The following ACER3 variants were observed in gnomAD, a reference collection of about 807,000 sequenced individuals.
ACER3 encodes the protein alkaline ceramidase 3.
Under a neutral mutation model 48.9 loss-of-function variants are expected in ACER3, and 16 were observed. The ratio of observed to expected loss-of-function variants is 0.33; its 90% confidence interval spans 0.22 to 0.50. The LOEUF (loss-of-function observed/expected upper bound fraction) is 0.50, where lower values mean the gene tolerates loss of function less well. ACER3 is among the 20% of genes least tolerant of loss of function. ACER3 has a pLI of 0.98. For missense variants in ACER3, 227 were observed against 326.0 expected, an observed-to-expected ratio of 0.70 and a Z score of 2.34; for synonymous variants, 109 against 107.8, an observed-to-expected ratio of 1.01 and a Z score of -0.07.
intron 1 of ACER3, among the ~76,000 whole-genome samples, chr11:76,887,180 G>A (rs1462672894): frequency 6.6e-6 from 1 of 152,104 alleles, no homozygotes; most frequent in Non-Finnish European, 1.5e-5. Flanking sequence ...AGGTCGCTTG[G>A]GAGGTTGAGG....
At chr11:76,953,989 C>T (rs1000657117) in intron 2 of ACER3, among the ~76,000 whole-genome samples, 1 of 149,960 alleles carries the variant, frequency 6.7e-6, no homozygotes. Context: ...CTCTTGTCGC[C>T]CAGGCTAGAG....
chr11:76,918,011 G>A lies in ACER3; in HGVS notation c.104-8546G>A, dbSNP rs193020146. 1.3e-3 allele frequency among the ~76,000 whole-genome samples: 199 copies of A among 152,022 alleles called. 1 individual carries two copies. Among genetic ancestry groups the A allele is most frequent in the Admixed American group, 5.2e-3 (79 of 15,270 alleles). The stretch of plus-strand genomic sequence containing the variant: ...ACCCATCTTGGATTCTCTCCCTCCC[G>A]CTAAGTGTATTGGTTTTTTTGCCTT... On this transcript the variant is annotated intron_variant, in intron 1 of 10. Transcript: ENST00000532485.
At chr11:76,927,496 C>T (rs1946862628) in intron 2 of ACER3, among the ~76,000 whole-genome samples, 1 of 152,120 alleles carries the variant, frequency 6.6e-6, no homozygotes, top group East Asian at 1.9e-4. Flanking sequence ...TTCTAGGGTA[C>T]ACGTGCACAA....
At chr11:76,917,539 C>T (rs1467566460) in intron 1 of ACER3, among the ~76,000 whole-genome samples, 1 of 151,170 alleles carries the variant, frequency 6.6e-6, no homozygotes, top group East Asian at 2.0e-4. Context: ...CATAAGAAGA[C>T]CTCGTCAGTA....
At chr11:76,861,178 G>A (rs931796736) in intron 1 of ACER3, 99 bp downstream of exon 1, 2 of 1,221,866 alleles carry the variant, frequency 1.6e-6, no homozygotes, top group African/African-American at 3.1e-5. Flanking sequence ...GCGAAGGGAG[G>A]TGCCAGGCCT....
At chr11:76,882,300 G>A (rs1406827367) in intron 1 of ACER3, among the ~76,000 whole-genome samples, 3 of 151,994 alleles carry the variant, frequency 2.0e-5, no homozygotes, top group Non-Finnish European at 4.4e-5. Flanking sequence ...CATTGTGCCC[G>A]GCCCAAAATC....
chr11:77,010,343 C>T (rs782067966), intron 7 of ACER3, among the ~76,000 whole-genome samples: 1 of 149,516 alleles, frequency 6.7e-6, no homozygotes, highest in Non-Finnish European at 1.5e-5. Flanking sequence ...GCAAGACTTT[C>T]TGTCTAATTT....
rs191546675 is a variant in ACER3 at position 76,958,939 on chromosome 11, A to C, written c.215-40A>C. ...TTCTCAGGTCACTGTCCACGCACAAAGAATTTCATGCTAATTTTTTTTCAT... is the reference window on the plus strand; with the variant it reads ...TTCTCAGGTCACTGTCCACGCACAACGAATTTCATGCTAATTTTTTTTCAT... On this transcript the variant is annotated intron_variant, in intron 2 of 10. Coordinates refer to ENST00000532485, the MANE Select transcript of ACER3 (RefSeq NM_018367.7). 1.1e-4 allele frequency: 180 copies of C among 1,609,606 alleles called. 1 individual carries two copies. In the East Asian group the frequency reaches 2.8e-3, roughly 25 times the overall value.
intron 2 of ACER3, chr11:76,958,698 C>T (rs1590990988): frequency 2.3e-6 from 1 of 428,974 alleles, no homozygotes; most frequent in Non-Finnish European, 4.3e-6. Flanking sequence ...TAAAACTTAT[C>T]CTGAGCATCA....
Position 77,020,392 on chromosome 11 carries a change from T to C in ACER3, c.*65T>C. 6.5e-7 allele frequency: 1 copy of C among 1,541,172 alleles called. No homozygotes were observed. The highest frequency in any genetic ancestry group is 8.9e-7 in the Non-Finnish European group (1 of 1,124,284). ...AGACCTGGCAGAATAAATAAGGAAA[T>C]CCTTAAAGATCTACAAGTTCAAATA... On this transcript the variant is annotated 3_prime_UTR_variant, in exon 11 of 11. Coordinates refer to ENST00000532485, the MANE Select transcript of ACER3 (RefSeq NM_018367.7).
At chr11:76,968,598 T>C (rs1457241673) in intron 3 of ACER3, among the ~76,000 whole-genome samples, 2 of 152,116 alleles carry the variant, frequency 1.3e-5, no homozygotes, top group Non-Finnish European at 2.9e-5. Flanking sequence ...AACAGAGATA[T>C]AGACCAATGG....
intron 2 of ACER3, among the ~76,000 whole-genome samples, chr11:76,946,985 C>A (rs555864513): frequency 6.6e-6 from 1 of 152,308 alleles, no homozygotes; most frequent in East Asian, 1.9e-4. Context: ...CCAGGACCCT[C>A]CCCAGGCTTT....
Position 76,963,606 on chromosome 11 carries a change from G to A in ACER3, c.267+4575G>A, listed in dbSNP as rs569939492. Among the ~76,000 whole-genome samples, 55 of 151,414 alleles carry A rather than the reference G, an allele frequency of 3.6e-4. 4 individuals carry two copies. Among genetic ancestry groups the A allele is most frequent in the African/African-American group, 1.1e-3 (44 of 40,728 alleles). On this transcript the variant is annotated intron_variant, in intron 3 of 10. Coordinates refer to ENST00000532485, the MANE Select transcript of ACER3 (RefSeq NM_018367.7). ...ATCCAGTGACATGCTGGATCCAATCGGTCTTAGCCAGCTTGGTCCACACCC... is the reference window on the plus strand; with the variant it reads ...ATCCAGTGACATGCTGGATCCAATCAGTCTTAGCCAGCTTGGTCCACACCC...
Position 76,944,690 on chromosome 11 carries a change from C to T in ACER3, c.215-14289C>T, listed in dbSNP as rs896880476. On this transcript the variant is annotated intron_variant, in intron 2 of 10. Transcript: ENST00000532485. ...GAATATAATATGCCATAGTGATGTCCTCTTTGCAGTGTATTTGCCTGGGGA... is the reference window on the plus strand; with the variant it reads ...GAATATAATATGCCATAGTGATGTCTTCTTTGCAGTGTATTTGCCTGGGGA... 6.6e-5 allele frequency among the ~76,000 whole-genome samples: 10 copies of T among 152,086 alleles called. No homozygotes were observed. The South Asian group carries it at 8.3e-4, about 13-fold the overall frequency.
rs762995174 is a variant in ACER3 at position 76,926,616 on chromosome 11, G to C, written c.163G>C (p.Val55Leu). Residue 55 changes from valine to leucine, a missense_variant, in exon 2 of 11, where the codon GTT becomes CTT. Coordinates refer to ENST00000532485, the MANE Select transcript of ACER3 (RefSeq NM_018367.7). ...IPPMFGAVQSVRDGLEKRYIA... is the reference protein window; with the variant it reads ...IPPMFGAVQSLRDGLEKRYIA... ...TCCAATGTTCGGTGCAGTTCAGAGT[G>C]TTAGAGACGGTCTGGAAAAGCGGTA... The C allele has an allele frequency of 6.2e-7, 1 of 1,608,504 alleles. No homozygotes were observed. Among genetic ancestry groups the C allele is most frequent in the Non-Finnish European group, 8.5e-7 (1 of 1,175,066 alleles).
At chr11:76,948,211 CTGTGTGTG>C (rs57302394) in intron 2 of ACER3, among the ~76,000 whole-genome samples, 4,308 of 135,554 alleles carry the variant, frequency 0.032, 95 homozygotes, top group African/African-American at 0.079. Context: ...CTGGCTCACT[CTGTGTGTG>C]TGTGTGTGTG....
At chr11:76,958,111 G>C (rs1006409459) in intron 2 of ACER3, among the ~76,000 whole-genome samples, 7 of 146,974 alleles carry the variant, frequency 4.8e-5, no homozygotes, top group African/African-American at 1.8e-4. Flanking sequence ...AATCTTTTTA[G>C]ATTTTTACTA....
intron 1 of ACER3, among the ~76,000 whole-genome samples, chr11:76,925,219 C>T (rs1946797056): frequency 6.6e-6 from 1 of 152,034 alleles, no homozygotes; most frequent in Non-Finnish European, 1.5e-5. Context: ...ACTTTTTGGG[C>T]CAATAGATTT....
At chr11:76,905,773 T>C (rs1946214485) in intron 1 of ACER3, among the ~76,000 whole-genome samples, 1 of 152,242 alleles carries the variant, frequency 6.6e-6, no homozygotes. Flanking sequence ...TAGTATCTAA[T>C]AGATCTCTCA....
Sources: gnomAD v4.1 joint callset for allele counts (sites outside exome capture counted in the v4.1 genomes callset) on GRCh38, gnomAD v4.1.1 for gene constraint, MANE v1.5 for transcripts, NCBI Gene and HGNC (gene_info 2026-07-23, HGNC 2026-07-21) for gene names.